SLIT3: variants seen among roughly 807,000 people sequenced by gnomAD.
SLIT3 encodes the protein slit guidance ligand 3.
A neutral mutation model predicts 184.0 loss-of-function variants in SLIT3; 68 were observed. The observed-to-expected ratio is 0.37, with a 90% CI of 0.30 to 0.45. The LOEUF (loss-of-function observed/expected upper bound fraction) is 0.45. Among genes scored for constraint, SLIT3 ranks in the 20% least tolerant of loss-of-function variants. The pLI is 1.00. For missense variants in SLIT3, 1,707 were observed against 2,026.0 expected (o/e 0.84, Z 3.02); for synonymous variants, 831 against 828.6 (o/e 1.00, Z -0.05).
chr5:168,806,808 C>T (rs17553840), intron 8 of SLIT3, among the ~76,000 whole-genome samples: 19,440 of 152,152 alleles, frequency 0.13, 1,679 homozygotes, highest in South Asian at 0.29. Context: ...TGAGTTGCTC[C>T]GCCTGCTCTG....
intron 4 of SLIT3, among the ~76,000 whole-genome samples, chr5:169,125,843 CAG>C (rs1339237503): frequency 7.9e-5 from 12 of 152,210 alleles, no homozygotes; most frequent in African/African-American, 2.9e-4. Context: ...AGCCTGGGAA[CAG>C]GGGCTCACAT....
At chr5:168,950,220 T>G (rs1006801725) in intron 4 of SLIT3, among the ~76,000 whole-genome samples, 1 of 152,124 alleles carries the variant, frequency 6.6e-6, no homozygotes, top group Non-Finnish European at 1.5e-5. Context: ...TTCCTCCATG[T>G]GAGGAAGTAG....
rs755673398 is a variant in SLIT3, at chr5:168,700,638, G to T, written c.2886C>A (p.Asn962Lys). 1 of 1,614,192 alleles carries T rather than the reference G, an allele frequency of 6.2e-7. No homozygotes were observed. The highest frequency in any genetic ancestry group is 1.7e-5 in the Admixed American group (1 of 60,026). ...CTVPINTCIQ[N>K]PCQHGGTCHL... ...GGCAGGTGCCTCCATGCTGACAGGG[G>T]TTCTGGATGCAGGTGTTGATGGGCA... The change falls in exon 27 of 36, where the codon AAC becomes AAA. Residue 962 changes from asparagine to lysine, a missense_variant. Physicochemically the swap from Asn to Lys is moderately conservative, Grantham distance 94 (BLOSUM62 0). Coordinates refer to ENST00000519560, the MANE Select transcript of SLIT3 (RefSeq NM_003062.4).
At chr5:168,973,094 A>G (rs1754635040) in intron 4 of SLIT3, among the ~76,000 whole-genome samples, 1 of 150,322 alleles carries the variant, frequency 6.7e-6, no homozygotes, top group Non-Finnish European at 1.5e-5. Flanking sequence ...CCCAAAGGCA[A>G]TAATGGGACA....
intron 4 of SLIT3, among the ~76,000 whole-genome samples, chr5:169,110,037 G>C (rs1371548706): frequency 6.6e-6 from 1 of 152,186 alleles, no homozygotes; most frequent in African/African-American, 2.4e-5. Context: ...CATTACACTT[G>C]TAGATAGATC....
chr5:168,915,078 T>C (rs1236202077), intron 4 of SLIT3, among the ~76,000 whole-genome samples: 1 of 152,232 alleles, frequency 6.6e-6, no homozygotes, highest in African/African-American at 2.4e-5. Context: ...TTACCAATTC[T>C]TTATTCTGAA....
intron 4 of SLIT3, among the ~76,000 whole-genome samples, chr5:169,144,941 C>A (rs1761878737): frequency 6.6e-6 from 1 of 152,196 alleles, no homozygotes; most frequent in Non-Finnish European, 1.5e-5. Flanking sequence ...CAGGGAGCAC[C>A]TTTTACATCC....
intron 4 of SLIT3, among the ~76,000 whole-genome samples, chr5:169,142,080 A>AAAATAAATAAAT (rs765749214): frequency 5.6e-4 from 24 of 42,770 alleles, no homozygotes; most frequent in South Asian, 4.1e-3. Flanking sequence ...AATAAAAATA[A>AAAATAAATAAAT]AAATAAATAA....
intron 20 of SLIT3, among the ~76,000 whole-genome samples, chr5:168,746,094 A>G (rs1763791453): frequency 6.6e-6 from 1 of 152,228 alleles, no homozygotes. Flanking sequence ...ATGCACTGGG[A>G]AACCAAAACA....
At chr5:168,704,108 A>G (rs920908409) in intron 26 of SLIT3, among the ~76,000 whole-genome samples, 1 of 151,788 alleles carries the variant, frequency 6.6e-6, no homozygotes, top group Non-Finnish European at 1.5e-5. Flanking sequence ...AAAAAAAAAA[A>G]TGCACACTCT....
At chr5:168,925,691 TG>T (rs1300365090) in intron 4 of SLIT3, among the ~76,000 whole-genome samples, 1 of 144,866 alleles carries the variant, frequency 6.9e-6, no homozygotes, top group Non-Finnish European at 1.5e-5. Context: ...GAGGGGGAGG[TG>T]TTGTTTCCTT....
chr5:169,271,995 T>C (rs1442284272), intron 1 of SLIT3, among the ~76,000 whole-genome samples: 1 of 151,592 alleles, frequency 6.6e-6, no homozygotes, highest in African/African-American at 2.4e-5. Context: ...CAGAGGAGAG[T>C]AGGGGAAACT....
At chr5:168,673,865 C>A (rs1009266424) in intron 32 of SLIT3, among the ~76,000 whole-genome samples, 1 of 151,332 alleles carries the variant, frequency 6.6e-6, no homozygotes, top group African/African-American at 2.4e-5. Flanking sequence ...TCTATTATTT[C>A]ATAGAGTTAA....
At chr5:169,071,800 C>T (rs576069926) in intron 4 of SLIT3, among the ~76,000 whole-genome samples, 2 of 152,306 alleles carry the variant, frequency 1.3e-5, no homozygotes, top group South Asian at 4.1e-4. Context: ...GAAATAGCCA[C>T]TCTTGCCTTA....
intron 4 of SLIT3, among the ~76,000 whole-genome samples, chr5:168,884,436 C>CACACACAA (rs1427462930): frequency 6.7e-6 from 1 of 149,322 alleles, no homozygotes; most frequent in Non-Finnish European, 1.5e-5. Context: ...CTCACACACA[C>CACACACAA]ACACACACAG....
At chr5:168,864,190 C>A (rs963060528) in intron 5 of SLIT3, among the ~76,000 whole-genome samples, 2 of 152,126 alleles carry the variant, frequency 1.3e-5, no homozygotes, top group African/African-American at 4.8e-5. Context: ...CAAAGTGAGA[C>A]CTTGTCTCAA....
rs373318712 is a variant in SLIT3, at chr5:168,991,447, C to T, written c.414-108111G>A. Among the ~76,000 whole-genome samples the T allele has an allele frequency of 3.9e-5, 6 of 152,200 alleles. No homozygotes were observed. In the East Asian group the frequency reaches 5.8e-4, roughly 15 times the overall value. On this transcript the variant is annotated intron_variant, in intron 4 of 35. Coordinates refer to ENST00000519560, the MANE Select transcript of SLIT3 (RefSeq NM_003062.4). ...ACAGCCCCAGGCTTGGGAGGGGACA[C>T]GGGAGCCCCAGGTGCTGTGTGGGCC...
At chr5:168,875,947 A>G (rs1355703898) in intron 5 of SLIT3, among the ~76,000 whole-genome samples, 1 of 152,168 alleles carries the variant, frequency 6.6e-6, no homozygotes, top group Non-Finnish European at 1.5e-5. Context: ...AATGCAAAGC[A>G]GGAAAGGCTG....
At chr5:168,755,817 C>A (rs1754926837) in intron 16 of SLIT3, among the ~76,000 whole-genome samples, 1 of 152,146 alleles carries the variant, frequency 6.6e-6, no homozygotes, top group Non-Finnish European at 1.5e-5. Context: ...CCTGCACAGA[C>A]CTCAAGAGAG....
Sources: allele counts gnomAD v4.1 joint callset (sites outside exome capture counted in the v4.1 genomes callset), GRCh38; gene constraint gnomAD v4.1.1; transcripts MANE v1.5; gene names NCBI Gene and HGNC (gene_info 2026-07-23, HGNC 2026-07-21).